NFE2L2: variants seen among roughly 807,000 people sequenced by gnomAD.
NFE2L2 encodes NFE2 like bZIP transcription factor 2, also known as nuclear factor erythroid 2-related factor 2.
NFE2L2 carries 20 observed loss-of-function variants against 49.6 expected under a neutral mutation model. The observed-to-expected ratio is 0.40, with a 90% CI of 0.28 to 0.59. NFE2L2 has a LOEUF of 0.59. Ranked by LOEUF, NFE2L2 falls within the 20% of genes least tolerant of loss-of-function variation. NFE2L2 has a pLI of 0.40. For missense variants in NFE2L2, 578 were observed against 714.2 expected, an observed-to-expected ratio of 0.81 and a Z score of 2.17; for synonymous variants, 244 against 256.5, an observed-to-expected ratio of 0.95 and a Z score of 0.47.
At position 177,230,740 on chromosome 2, in the gene NFE2L2, A is replaced by G. The variant is rs764648073; in HGVS notation, c.*45T>C. The G allele has an allele frequency of 7.8e-6, 12 of 1,529,844 alleles. No individual in the cohort carries two copies. The highest frequency in any genetic ancestry group is 9.6e-6 in the Non-Finnish European group (11 of 1,146,338). 94.8% of individuals were successfully genotyped at this position (1,529,844 alleles called of 1,614,324 possible). A position where few individuals can be genotyped will look rare whatever the true frequency, so the allele number is the denominator to read the frequency against. ...CATCACAGTAGGAGCTTTTAGTATAATAGTACAAAAAAACTAGCTCAGAAA... is the reference window on the plus strand; with the variant it reads ...CATCACAGTAGGAGCTTTTAGTATAGTAGTACAAAAAAACTAGCTCAGAAA... On this transcript the variant is annotated 3_prime_UTR_variant, in exon 5 of 5. Transcript: ENST00000397062.
intron 1 of NFE2L2, among the ~76,000 whole-genome samples, chr2:177,238,007 G>A (rs1411708863): frequency 6.6e-6 from 1 of 152,138 alleles, no homozygotes; most frequent in East Asian, 1.9e-4. Flanking sequence ...ATGATCCTGC[G>A]ATCTTAATTG....
chr2:177,254,554 T>G (rs998734216), intron 1 of NFE2L2, among the ~76,000 whole-genome samples: 3 of 152,164 alleles, frequency 2.0e-5, no homozygotes, highest in Non-Finnish European at 4.4e-5. Context: ...GTGGGGCACT[T>G]TCTGCTTGTC....
At chr2:177,232,729 C>T (rs1689598464) in intron 3 of NFE2L2, 146 bp from the exon 4 acceptor site, 1 of 753,214 alleles carries the variant, frequency 1.3e-6, no homozygotes, top group African/African-American at 1.8e-5. Flanking sequence ...TTGTAAATAA[C>T]AAATCTTTTT....
At chr2:177,264,000 G>C in intron 1 of NFE2L2, 1 of 962,428 alleles carries the variant, frequency 1.0e-6, no homozygotes, top group Non-Finnish European at 1.2e-6. Flanking sequence ...CACTCAAGGA[G>C]GTCTTGGGGC....
At chr2:177,243,451 C>A (rs2105471696) in intron 1 of NFE2L2, among the ~76,000 whole-genome samples, 1 of 152,310 alleles carries the variant, frequency 6.6e-6, no homozygotes, top group East Asian at 1.9e-4. Flanking sequence ...TGATCCTTTA[C>A]CCTCTCTTTT....
intron 1 of NFE2L2, among the ~76,000 whole-genome samples, chr2:177,235,047 G>A (rs148494821): frequency 0.011 from 1,595 of 151,662 alleles, 30 homozygotes; most frequent in African/African-American, 0.037. Flanking sequence ...AACCTGGGAG[G>A]CAGAGGTTGC....
intron 1 of NFE2L2, among the ~76,000 whole-genome samples, chr2:177,254,382 G>A (rs532330735): frequency 1.3e-5 from 2 of 152,182 alleles, no homozygotes; most frequent in Non-Finnish European, 2.9e-5. Context: ...CTGGTGAGAT[G>A]GCAGGCTTCC....
rs1317191733 is a variant in NFE2L2, at chr2:177,230,452, TTTC to T, written c.*330_*332del. 2.4e-5 allele frequency: 6 copies of T among 251,602 alleles called. No individual in the cohort carries two copies. Among genetic ancestry groups the T allele is most frequent in the Middle Eastern group, 1.1e-3 (1 of 884 alleles). The allele number at this position is 251,602 out of a possible 1,614,324, so 15.6% of individuals were successfully genotyped here. A position where few individuals can be genotyped will look rare whatever the true frequency, so the allele number is the denominator to read the frequency against. On this transcript the variant is annotated 3_prime_UTR_variant, in exon 5 of 5. Transcript: ENST00000397062. ...TACATAGTGGTTAGTTTTGCAATAA[TTTC>T]TTTTTAGCCAGATGTCATATCATCA... is the stretch of plus-strand genomic sequence containing the variant.
chr2:177,243,066 C>T (rs144971306), intron 1 of NFE2L2, among the ~76,000 whole-genome samples: 32 of 152,112 alleles, frequency 2.1e-4, no homozygotes, highest in African/African-American at 7.5e-4. Flanking sequence ...TTGAACAAGC[C>T]ATGTATGTAT....
intron 1 of NFE2L2, among the ~76,000 whole-genome samples, chr2:177,246,909 A>G (rs1690152868): frequency 6.7e-6 from 1 of 150,114 alleles, no homozygotes; most frequent in Non-Finnish European, 1.5e-5. Context: ...TTGCCTCACT[A>G]TTTTTAATGA....
intron 1 of NFE2L2, among the ~76,000 whole-genome samples, chr2:177,257,629 G>T (rs1211420234): frequency 6.6e-6 from 1 of 152,170 alleles, no homozygotes; most frequent in Non-Finnish European, 1.5e-5. Context: ...CACTGAGGTG[G>T]GTCCCCTAGG....
At chr2:177,232,670 T>A in intron 3 of NFE2L2, 87 bp from the exon 4 acceptor site, 1 of 1,295,844 alleles carries the variant, frequency 7.7e-7, no homozygotes, top group Middle Eastern at 1.9e-4. Context: ...CAAAATGGAA[T>A]CAGCTGCAGT....
At chr2:177,256,522 G>GAAAAAAAAAAAAAA (rs1690531280) in intron 1 of NFE2L2, among the ~76,000 whole-genome samples, 1 of 118,070 alleles carries the variant, frequency 8.5e-6, no homozygotes. Context: ...AAAAAAAAAG[G>GAAAAAAAAAAAAAA]AAAGGACATT....
chr2:177,264,432 G>T (rs1172588425), intron 1 of NFE2L2, 100 bp downstream of exon 1: 27 of 1,275,602 alleles, frequency 2.1e-5, no homozygotes, highest in East Asian at 3.1e-5. Context: ...GGCCAGACGT[G>T]GGGGAAGCCG....
intron 1 of NFE2L2, among the ~76,000 whole-genome samples, chr2:177,253,851 A>T (rs950767686): frequency 6.6e-6 from 1 of 152,254 alleles, no homozygotes; most frequent in African/African-American, 2.4e-5. Context: ...AAATGTGATA[A>T]TATCTTCAAA....
rs754950910 is a variant in NFE2L2, at chr2:177,232,514, C to A, written c.472G>T (p.Ala158Ser). The change falls in exon 4 of 5, where the codon GCT (alanine) becomes TCT (serine). Residue 158 changes from alanine to serine, a missense_variant. Physicochemically the swap from Ala to Ser is moderately conservative, Grantham distance 99. Coordinates refer to ENST00000397062, the MANE Select transcript of NFE2L2 (RefSeq NM_006164.5). ...TCAGGTGACTGAGCCTGATTAGTAG[C>A]AATGAAGACTGGGCTCTCGATGTGA... ...PGHIESPVFI[A>S]TNQAQSPETS... 1 of 1,614,122 alleles carries A rather than the reference C, an allele frequency of 6.2e-7. No individual in the cohort carries two copies. Among genetic ancestry groups the A allele is most frequent in the East Asian group, 2.2e-5 (1 of 44,886 alleles).
At chr2:177,248,770 T>C (rs530982882) in intron 1 of NFE2L2, among the ~76,000 whole-genome samples, 1 of 152,244 alleles carries the variant, frequency 6.6e-6, no homozygotes, top group East Asian at 1.9e-4. Flanking sequence ...GCTCTGAATA[T>C]TGTGTGGTTC....
intron 1 of NFE2L2, among the ~76,000 whole-genome samples, chr2:177,260,713 C>T (rs1466874858): frequency 1.3e-5 from 2 of 151,908 alleles, no homozygotes; most frequent in African/African-American, 4.8e-5. Flanking sequence ...TACTTCAAAA[C>T]AAAAAGAGCC....
At position 177,231,394 on chromosome 2, in the gene NFE2L2, C is replaced by G; in HGVS notation, c.1209G>C (p.Met403Ile). ...PKTPVHSSGD[M>I]VQPLSPSQGQ... ...CCTGAGATGGTGACAAGGGTTGTAC[C>G]ATATCCCCAGAAGAATGTACTGGTG... The change falls in exon 5 of 5, where the codon ATG (methionine) becomes ATC (isoleucine). Residue 403 changes from methionine (M) to isoleucine (I), a missense_variant. Physicochemically the swap from Met to Ile is conservative, Grantham distance 10 (BLOSUM62 1). Around this residue, in one of 3 missense-constraint regions of NFE2L2, gnomAD observed 368 missense variants for 384.6 expected, o/e 0.96. Coordinates refer to ENST00000397062, the MANE Select transcript of NFE2L2 (RefSeq NM_006164.5). 1.2e-6 allele frequency: 2 copies of G among 1,614,248 alleles called. No homozygotes were observed. The highest frequency in any genetic ancestry group is 1.7e-6 in the Non-Finnish European group (2 of 1,180,046).
Sources: allele counts gnomAD v4.1 joint callset (sites outside exome capture counted in the v4.1 genomes callset), GRCh38; gene constraint gnomAD v4.1.1; regional missense constraint gnomAD v4.1.1; transcripts MANE v1.5; gene names NCBI Gene and HGNC (gene_info 2026-07-23, HGNC 2026-07-21).